The following ANTXR1 variants were observed in gnomAD, a reference collection of about 807,000 sequenced individuals.
ANTXR1 encodes the protein anthrax toxin receptor 1.
A neutral mutation model predicts 78.1 loss-of-function variants in ANTXR1; 19 were observed. The ratio of observed to expected loss-of-function variants is 0.24; its 90% CI spans 0.17 to 0.36. The LOEUF is 0.36. Ranked by LOEUF, ANTXR1 falls within the 10% of genes least tolerant of loss-of-function variation. The pLI is 1.00. For missense variants in ANTXR1, 518 were observed against 718.6 expected (o/e 0.72, Z 3.19); for synonymous variants, 273 against 260.5 (o/e 1.05, Z -0.46).
At chr2:69,065,424 C>CAAAAAAAA (rs34601328) in intron 3 of ANTXR1, among the ~76,000 whole-genome samples, 17 of 66,676 alleles carry the variant, frequency 2.5e-4, no homozygotes, top group East Asian at 1.1e-3. Context: ...GACTCCGTCT[C>CAAAAAAAA]AAAAAAAAAA....
At chr2:69,098,015 T>C (rs1211463723) in intron 9 of ANTXR1, among the ~76,000 whole-genome samples, 1 of 152,232 alleles carries the variant, frequency 6.6e-6, no homozygotes, top group African/African-American at 2.4e-5. Context: ...TGATCCTATT[T>C]ACATAAAATT....
At chr2:69,200,854 A>G (rs1262707918) in intron 17 of ANTXR1, among the ~76,000 whole-genome samples, 1 of 152,196 alleles carries the variant, frequency 6.6e-6, no homozygotes, top group African/African-American at 2.4e-5. Context: ...AACTTGGGGT[A>G]ATGATGATCT....
At chr2:69,102,801 A>C in intron 9 of ANTXR1, 41 bp from the exon 10 acceptor site, 6,892 of 1,229,478 alleles carry the variant, frequency 5.6e-3, no homozygotes, top group Non-Finnish European at 7.5e-3. Flanking sequence ...GCTTAAGGTT[A>C]TTGGCCAAGT....
chr2:69,102,316 G>T (rs1191169060), intron 9 of ANTXR1, among the ~76,000 whole-genome samples: 1 of 152,244 alleles, frequency 6.6e-6, no homozygotes, highest in African/African-American at 2.4e-5. Flanking sequence ...CATACATAAT[G>T]ACAGTCCTAC....
intron 17 of ANTXR1, among the ~76,000 whole-genome samples, chr2:69,244,260 T>G (rs1056849125): frequency 2.0e-5 from 3 of 152,186 alleles, no homozygotes; most frequent in Admixed American, 2.0e-4. Context: ...TCTGCATTGT[T>G]CAGTTGAGTA....
chr2:69,238,678 G>A (rs898948989), intron 17 of ANTXR1, among the ~76,000 whole-genome samples: 11 of 152,202 alleles, frequency 7.2e-5, no homozygotes, highest in Non-Finnish European at 1.0e-4. Context: ...AGTAACTTGA[G>A]AAATACCTAC....
intron 8 of ANTXR1, among the ~76,000 whole-genome samples, chr2:69,087,932 C>G (rs1176176733): frequency 6.6e-6 from 1 of 152,194 alleles, no homozygotes; most frequent in Non-Finnish European, 1.5e-5. Flanking sequence ...CCAGACATTT[C>G]AAATGAGTAG....
intron 17 of ANTXR1, among the ~76,000 whole-genome samples, chr2:69,193,723 G>A (rs1029284768): frequency 6.6e-6 from 1 of 152,228 alleles, no homozygotes; most frequent in East Asian, 1.9e-4. Flanking sequence ...GCTTCTCAAT[G>A]TATAGGCACA....
intron 1 of ANTXR1, among the ~76,000 whole-genome samples, chr2:69,037,472 GT>G (rs1669476778): frequency 1.3e-5 from 2 of 152,068 alleles, no homozygotes; most frequent in African/African-American, 2.4e-5. Context: ...GAGTTTGCTT[GT>G]TTTTTTGTTT....
At position 69,246,595 on chromosome 2, in the gene ANTXR1, G is replaced by A. The variant is rs1049051273; in HGVS notation, c.*1110G>A. ...ATTAACCCCCATAAGGCATGTGTGT[G>A]TATACAAATATACTTCTCTTTGGCT... is the stretch of plus-strand genomic sequence containing the variant. On this transcript the variant is annotated 3_prime_UTR_variant, in exon 18 of 18. Coordinates refer to ENST00000303714, the MANE Select transcript of ANTXR1 (RefSeq NM_032208.3). 6.6e-6 allele frequency: 1 copy of A among 152,132 alleles called. No homozygotes were observed. Among genetic ancestry groups the A allele is most frequent in the Non-Finnish European group, 1.5e-5 (1 of 68,036 alleles). 9.4% of individuals were successfully genotyped at this position (152,132 alleles called of 1,614,324 possible).
chr2:69,230,172 T>C (rs1051984545), intron 17 of ANTXR1, among the ~76,000 whole-genome samples: 2 of 152,120 alleles, frequency 1.3e-5, no homozygotes, highest in African/African-American at 2.4e-5. Flanking sequence ...AACCCTATTT[T>C]GTCTTTATTT....
chr2:69,132,312 C>T (rs1573917301), intron 12 of ANTXR1, among the ~76,000 whole-genome samples: 1 of 152,364 alleles, frequency 6.6e-6, no homozygotes, highest in East Asian at 1.9e-4. Flanking sequence ...AGGTAAAAGA[C>T]AGCAGAGGAG....
At chr2:69,223,238 C>T (rs1675365470) in intron 17 of ANTXR1, among the ~76,000 whole-genome samples, 1 of 152,230 alleles carries the variant, frequency 6.6e-6, no homozygotes, top group Non-Finnish European at 1.5e-5. Flanking sequence ...TGACCTATAA[C>T]TTGGACATTA....
intron 3 of ANTXR1, among the ~76,000 whole-genome samples, chr2:69,047,441 G>C (rs1033339118): frequency 2.0e-5 from 3 of 151,934 alleles, no homozygotes; most frequent in Non-Finnish European, 4.4e-5. Flanking sequence ...GGAACTATGC[G>C]GTCATTTGAA....
intron 9 of ANTXR1, among the ~76,000 whole-genome samples, chr2:69,100,224 G>A (rs4077467): frequency 0.065 from 9,860 of 152,256 alleles, 447 homozygotes; most frequent in East Asian, 0.2. Flanking sequence ...AGATTCATTC[G>A]AAAGGGTTTT....
At chr2:69,153,145 TC>T (rs1278559796) in intron 13 of ANTXR1, among the ~76,000 whole-genome samples, 1 of 152,222 alleles carries the variant, frequency 6.6e-6, no homozygotes, top group East Asian at 1.9e-4. Context: ...CATGGCATCT[TC>T]ATTTCCTGTA....
chr2:69,071,819 T>G (rs1199198387), intron 5 of ANTXR1, 32 bp downstream of exon 5: 1 of 1,602,608 alleles, frequency 6.2e-7, no homozygotes, highest in East Asian at 2.2e-5. Flanking sequence ...CCATTATGAA[T>G]TATTTAACTT....
intron 2 of ANTXR1, among the ~76,000 whole-genome samples, chr2:69,043,462 A>G (rs1438959563): frequency 6.6e-6 from 1 of 152,180 alleles, no homozygotes; most frequent in Non-Finnish European, 1.5e-5. Context: ...CATTTAGGAC[A>G]TGGTGTCCTG....
intron 1 of ANTXR1, among the ~76,000 whole-genome samples, chr2:69,036,344 C>T (rs1246408750): frequency 6.6e-6 from 1 of 152,168 alleles, no homozygotes; most frequent in African/African-American, 2.4e-5. Flanking sequence ...TCCCCTCAAG[C>T]ATTTATCCTT....
Sources: gnomAD v4.1 joint callset for allele counts (sites outside exome capture counted in the v4.1 genomes callset) on GRCh38, gnomAD v4.1.1 for gene constraint, MANE v1.5 for transcripts, NCBI Gene and HGNC (gene_info 2026-07-23, HGNC 2026-07-21) for gene names.